Variants in SPAG16 observed in about 807,000 individuals in gnomAD.
SPAG16 encodes the protein sperm associated antigen 16.
Under a neutral mutation model 80.4 loss-of-function variants are expected in SPAG16, and 86 were observed. The observed-to-expected ratio is 1.07, with a 90% confidence interval of 0.90 to 1.28. The LOEUF is 1.28. SPAG16 is among the 50% of genes most tolerant of loss of function. The pLI is 0.00. For synonymous variants in SPAG16, 294 were observed against 265.9 expected (o/e 1.11, Z -1.03); for missense variants, 870 against 765.3 (o/e 1.14, Z -1.61).
At chr2:213,363,187 A>C (rs13017229) in intron 7 of SPAG16, among the ~76,000 whole-genome samples, 39,939 of 151,996 alleles carry the variant, frequency 0.26, 6,090 homozygotes, top group Middle Eastern at 0.44. Context: ...TTAATGGGGG[A>C]AAAAGGGTAT....
intron 15 of SPAG16, among the ~76,000 whole-genome samples, chr2:214,255,361 A>G (rs1690602319): frequency 6.6e-6 from 1 of 151,944 alleles, no homozygotes; most frequent in South Asian, 2.1e-4. Context: ...TTCTAACGTA[A>G]AGAAATGTTG....
At chr2:214,394,820 C>T (rs182019091) in intron 15 of SPAG16, among the ~76,000 whole-genome samples, 5 of 152,236 alleles carry the variant, frequency 3.3e-5, no homozygotes, top group African/African-American at 1.2e-4. Context: ...TATGGTATCG[C>T]AGAATAGTTT....
intron 1 of SPAG16, among the ~76,000 whole-genome samples, chr2:213,294,667 T>C (rs1306610553): frequency 1.3e-5 from 2 of 152,184 alleles, no homozygotes; most frequent in Non-Finnish European, 2.9e-5. Context: ...GGAATGGGGC[T>C]TAAGTGTCCC....
intron 13 of SPAG16, among the ~76,000 whole-genome samples, chr2:214,060,624 A>G (rs184408265): frequency 6.6e-6 from 1 of 152,310 alleles, no homozygotes; most frequent in East Asian, 1.9e-4. Flanking sequence ...ACATGTAAAG[A>G]GAGAGGTTTT....
chr2:213,460,324 C>T lies in SPAG16; in HGVS notation c.943-29639C>T, dbSNP rs2072288668. Among the ~76,000 whole-genome samples the T allele has an allele frequency of 2.0e-5, 3 of 152,168 alleles. No homozygotes were observed. The South Asian group carries it at 6.2e-4, about 31-fold the overall frequency. On this transcript the variant is annotated intron_variant, in intron 9 of 15. Coordinates refer to ENST00000331683, the MANE Select transcript of SPAG16 (RefSeq NM_024532.5). ...CATTCTCTGTGTGCAACACTGTGAA[C>T]CCCTTGAGCTTGTAATTAGTTGATC...
chr2:213,715,679 G>C (rs2066211893), intron 10 of SPAG16, among the ~76,000 whole-genome samples: 2 of 152,124 alleles, frequency 1.3e-5, no homozygotes, highest in South Asian at 2.1e-4. Flanking sequence ...TCTTTTACTA[G>C]ACTGTTTTCT....
chr2:213,445,706 A>G lies in SPAG16; in HGVS notation c.943-44257A>G, dbSNP rs149291871. Among the ~76,000 whole-genome samples the G allele has an allele frequency of 3.6e-3, 555 of 152,276 alleles. 5 individuals are homozygous for G. The highest frequency in any genetic ancestry group is 0.012 in the African/African-American group (507 of 41,562). On this transcript the variant is annotated intron_variant, in intron 9 of 15. Transcript: ENST00000331683. ...ACAGATATGTGAAAAAATGCTCAAC[A>G]TCACTAATCATCAGATGAATGCAAA...
chr2:213,897,375 A>G (rs59906563), intron 11 of SPAG16, among the ~76,000 whole-genome samples: 30,204 of 152,112 alleles, frequency 0.2, 3,657 homozygotes, highest in South Asian at 0.32. Context: ...ACTAGTCTTT[A>G]TGCTGCTTAT....
At chr2:213,444,605 C>T (rs911017013) in intron 9 of SPAG16, among the ~76,000 whole-genome samples, 7 of 152,138 alleles carry the variant, frequency 4.6e-5, no homozygotes, top group African/African-American at 1.4e-4. Flanking sequence ...AATGTTGATT[C>T]ATCTAATCCA....
chr2:213,389,772 T>C (rs1410634323), intron 9 of SPAG16, among the ~76,000 whole-genome samples: 2 of 152,140 alleles, frequency 1.3e-5, no homozygotes, highest in African/African-American at 4.8e-5. Flanking sequence ...GAACCATTGT[T>C]CACTATTGGC....
rs1029031224 is a variant in SPAG16, at chr2:213,673,804, CA to C, written c.1070+183723del. Among the ~76,000 whole-genome samples the C allele has an allele frequency of 2.5e-4, 38 of 149,412 alleles. 2 individuals carry two copies. The highest frequency in any genetic ancestry group is 9.3e-4 in the Admixed American group (14 of 15,022). The stretch of plus-strand genomic sequence containing the variant: ...AATAAAACAAATGTATTACAAACAA[CA>C]AAAAAAAATAAAGAACATTGGAAAA... On this transcript the variant is annotated intron_variant, in intron 10 of 15. Coordinates refer to ENST00000331683, the MANE Select transcript of SPAG16 (RefSeq NM_024532.5).
chr2:213,306,686 A>G (rs1014264974), intron 3 of SPAG16, among the ~76,000 whole-genome samples: 1 of 151,878 alleles, frequency 6.6e-6, no homozygotes, highest in Admixed American at 6.6e-5. Flanking sequence ...CCTCTGGGTG[A>G]TGGCTGAGTT....
intron 13 of SPAG16, among the ~76,000 whole-genome samples, chr2:214,039,808 G>GC (rs1419728657): frequency 6.6e-6 from 1 of 152,134 alleles, no homozygotes; most frequent in Non-Finnish European, 1.5e-5. Flanking sequence ...CATGAAGCTG[G>GC]CCATACCACA....
rs997835911 is a variant in SPAG16, at chr2:213,579,521, C to T, written c.1070+89431C>T. 5.3e-5 allele frequency among the ~76,000 whole-genome samples: 8 copies of T among 152,188 alleles called. 1 individual carries two copies. The highest frequency in any genetic ancestry group is 4.1e-4 in the South Asian group (2 of 4,820). ...TTTCATTTGATCTAAAATAAGTGCA[C>T]TCTCCTTGATATTTTATGCTGGCAA... On this transcript the variant is annotated intron_variant, in intron 10 of 15. Transcript: ENST00000331683.
At chr2:214,053,118 C>G (rs1195578195) in intron 13 of SPAG16, among the ~76,000 whole-genome samples, 1 of 152,066 alleles carries the variant, frequency 6.6e-6, no homozygotes, top group Non-Finnish European at 1.5e-5. Flanking sequence ...GTTATTTCAC[C>G]TGGAGGAGAA....
At chr2:213,743,150 G>C (rs992902976) in intron 10 of SPAG16, among the ~76,000 whole-genome samples, 2 of 150,534 alleles carry the variant, frequency 1.3e-5, no homozygotes, top group Non-Finnish European at 3.0e-5. Flanking sequence ...TGATCCACCC[G>C]CGTCAGCCTC....
At chr2:214,133,643 C>T (rs768610032) in intron 14 of SPAG16, among the ~76,000 whole-genome samples, 17 of 151,888 alleles carry the variant, frequency 1.1e-4, no homozygotes, top group Non-Finnish European at 2.1e-4. Context: ...GGTTACAGAG[C>T]GAGACTCCAT....
rs1479339896 is a variant in SPAG16 at position 214,362,380 on chromosome 2, A to G, written c.1721-47760A>G. 3.3e-5 allele frequency among the ~76,000 whole-genome samples: 5 copies of G among 151,924 alleles called. No individual in the cohort carries two copies. The East Asian group carries it at 5.8e-4, about 18-fold the overall frequency. ...GTTTAAGGAAGAGGTCATACATGAT[A>G]CTTTGAATTTAAAACAATAATGCTT... On this transcript the variant is annotated intron_variant, in intron 15 of 15. Coordinates refer to ENST00000331683, the MANE Select transcript of SPAG16 (RefSeq NM_024532.5).
chr2:213,997,745 A>T (rs1012303256), intron 12 of SPAG16, among the ~76,000 whole-genome samples: 1 of 152,206 alleles, frequency 6.6e-6, no homozygotes, highest in Non-Finnish European at 1.5e-5. Context: ...ATGAGGTTAT[A>T]AAAAAATTGC....
Sources: gnomAD v4.1 joint callset for allele counts (sites outside exome capture counted in the v4.1 genomes callset) on GRCh38, gnomAD v4.1.1 for gene constraint, MANE v1.5 for transcripts, NCBI Gene and HGNC (gene_info 2026-07-23, HGNC 2026-07-21) for gene names.